The following SHANK2 variants were observed in gnomAD, a reference collection of about 807,000 sequenced individuals.
The protein encoded by SHANK2 is SH3 and multiple ankyrin repeat domains 2.
SHANK2 carries 43 observed loss-of-function variants against 133.7 expected under a neutral mutation model. The observed-to-expected ratio is 0.32, with a 90% confidence interval of 0.25 to 0.41. SHANK2 has a LOEUF of 0.41. Among genes scored for constraint, SHANK2 ranks in the 10% least tolerant of loss-of-function variants. The pLI is 1.00. For synonymous variants in SHANK2, 1,017 were observed against 952.8 expected, an observed-to-expected ratio of 1.07 and a Z score of -1.24; for missense variants, 1,994 against 2,235.8, an observed-to-expected ratio of 0.89 and a Z score of 2.18.
chr11:70,547,874 C>A (rs1428792410), intron 17 of SHANK2, among the ~76,000 whole-genome samples: 3 of 152,258 alleles, frequency 2.0e-5, no homozygotes, highest in Non-Finnish European at 4.4e-5. Context: ...CAAGCCCCTG[C>A]AAGCCCGAGG....
chr11:70,757,854 T>G (rs546971836), intron 14 of SHANK2, among the ~76,000 whole-genome samples: 1 of 152,168 alleles, frequency 6.6e-6, no homozygotes, highest in Non-Finnish European at 1.5e-5. Flanking sequence ...CCAGGGTTGC[T>G]ACAACAAATG....
chr11:71,061,841 C>T (rs1315504922), intron 9 of SHANK2, among the ~76,000 whole-genome samples: 3 of 152,062 alleles, frequency 2.0e-5, no homozygotes, highest in Admixed American at 6.6e-5. Context: ...TTTCCAGTCC[C>T]GACCTAGCCC....
At chr11:71,062,986 G>A (rs1951005294) in intron 9 of SHANK2, among the ~76,000 whole-genome samples, 1 of 93,830 alleles carries the variant, frequency 1.1e-5, no homozygotes, top group African/African-American at 4.3e-5. Context: ...GACACAGCAA[G>A]ACCCTGTCTC....
At chr11:70,568,031 C>G (rs1233345905) in intron 17 of SHANK2, among the ~76,000 whole-genome samples, 1 of 152,232 alleles carries the variant, frequency 6.6e-6, no homozygotes, top group Non-Finnish European at 1.5e-5. Flanking sequence ...GGGCCATCAG[C>G]TGATGGCCAG....
intron 2 of SHANK2, among the ~76,000 whole-genome samples, chr11:71,152,517 C>A (rs782502334): frequency 6.6e-6 from 1 of 152,238 alleles, no homozygotes; most frequent in Non-Finnish European, 1.5e-5. Context: ...GCAGGAAGGG[C>A]GGCAAGGAGG....
chr11:70,500,533 G>T lies in SHANK2; in HGVS notation c.2308+37C>A, dbSNP rs781967057. 6.3e-7 allele frequency: 1 copy of T among 1,593,534 alleles called. No homozygotes were observed. Among genetic ancestry groups the T allele is most frequent in the South Asian group, 1.1e-5 (1 of 87,374 alleles). ...TGTTTCTGTTCCACAGGGGGGTGATGGGCAGGGGGCTGAGACAGACACTGG... is the reference window on the plus strand; with the variant it reads ...TGTTTCTGTTCCACAGGGGGGTGATTGGCAGGGGGCTGAGACAGACACTGG... On this transcript the variant is annotated intron_variant, in intron 21 of 25. Coordinates refer to ENST00000601538, the MANE Select transcript of SHANK2 (RefSeq NM_012309.5). This position sits in a 1 kb window ranked among gnomAD's most constrained non-coding sequence, Gnocchi z 4.5.
intron 11 of SHANK2, among the ~76,000 whole-genome samples, chr11:70,878,719 T>C (rs982871014): frequency 6.6e-6 from 1 of 152,148 alleles, no homozygotes; most frequent in Non-Finnish European, 1.5e-5. Context: ...GAGGTGAACT[T>C]CCTCCTGCTC....
intron 14 of SHANK2, among the ~76,000 whole-genome samples, chr11:70,728,192 G>C (rs1344078215): frequency 6.6e-6 from 1 of 152,184 alleles, no homozygotes; most frequent in African/African-American, 2.4e-5. Context: ...GCAGTGCTTG[G>C]TTAGGAACAC....
chr11:70,948,650 G>A (rs944526996), intron 10 of SHANK2, among the ~76,000 whole-genome samples: 2 of 152,230 alleles, frequency 1.3e-5, no homozygotes, highest in Admixed American at 6.5e-5. Flanking sequence ...CAACGTGGAG[G>A]AGGTGGACCA....
intron 15 of SHANK2, among the ~76,000 whole-genome samples, chr11:70,680,236 T>A (rs999373268): frequency 6.6e-6 from 1 of 152,172 alleles, no homozygotes; most frequent in Non-Finnish European, 1.5e-5. Context: ...GTCTATGCAT[T>A]GAATGCTTGC....
rs1346534115 is a variant in SHANK2, at chr11:70,470,853, CGT to C, written c.*2014_*2015del. ...TCAGGGGTGTGTGACTGGAAAAGCG[CGT>C]GTGTGTGGTGTGTGTTTTGTTTTTG... On this transcript the variant is annotated 3_prime_UTR_variant, in exon 26 of 26. Transcript: ENST00000601538. The C allele has an allele frequency of 1.9e-5, 3 of 155,496 alleles. No individual in the cohort carries two copies. Among genetic ancestry groups the C allele is most frequent in the Admixed American group, 6.5e-5 (1 of 15,336 alleles). 9.6% of individuals were successfully genotyped at this position (155,496 alleles called of 1,614,324 possible).
chr11:70,858,466 C>T (rs1343257034), intron 11 of SHANK2, among the ~76,000 whole-genome samples: 1 of 152,210 alleles, frequency 6.6e-6, no homozygotes. Context: ...GCATGACCTG[C>T]ACACCCAACA....
intron 22 of SHANK2, among the ~76,000 whole-genome samples, chr11:70,491,924 G>A (rs2058891963): frequency 6.6e-6 from 1 of 152,226 alleles, no homozygotes; most frequent in Non-Finnish European, 1.5e-5. Flanking sequence ...GGATCTCGGA[G>A]AGTGTGGGGG....
intron 17 of SHANK2, among the ~76,000 whole-genome samples, chr11:70,526,793 C>T (rs2059404194): frequency 6.6e-6 from 1 of 151,902 alleles, no homozygotes; most frequent in Non-Finnish European, 1.5e-5. Flanking sequence ...GCAAGGACCC[C>T]CTCCCTCCCT....
intron 1 of SHANK2, among the ~76,000 whole-genome samples, chr11:71,242,667 C>G (rs963105475): frequency 1.3e-5 from 2 of 152,156 alleles, no homozygotes; most frequent in African/African-American, 4.8e-5. Flanking sequence ...GCGAGGATGT[C>G]GACCCTACAA....
chr11:70,769,006 T>C (rs958701215), intron 14 of SHANK2, among the ~76,000 whole-genome samples: 20 of 152,126 alleles, frequency 1.3e-4, no homozygotes, highest in African/African-American at 4.8e-4. Context: ...CACATCCGCA[T>C]CTTGGGTCTG....
Position 71,119,022 on chromosome 11 carries a change from C to A in SHANK2, c.218G>T (p.Arg73Leu), listed in dbSNP as rs1555100977. ...IHDLQQTKCI[R>L]FNPDATVWVA... ...CCACACTGTGGCATCCGGGTTAAAT[C>A]GAATGCATTTCTGCCAGGAAGGACA... The change falls in exon 4 of 26, where the codon CGA becomes CTA. Residue 73 changes from arginine (R) to leucine (L), a missense_variant. Arg to Leu is a moderately radical substitution (Grantham distance 102). Around this residue, in one of 5 missense-constraint regions of SHANK2, gnomAD observed 653 missense variants for 563.4 expected, o/e 1.16. Coordinates refer to ENST00000601538, the MANE Select transcript of SHANK2 (RefSeq NM_012309.5). The A allele has an allele frequency of 1.3e-6, 2 of 1,551,628 alleles. No individual in the cohort carries two copies. Among genetic ancestry groups the A allele is most frequent in the Non-Finnish European group, 1.7e-6 (2 of 1,146,954 alleles).
intron 9 of SHANK2, among the ~76,000 whole-genome samples, chr11:71,063,204 C>T (rs1951009127): frequency 6.6e-6 from 1 of 152,186 alleles, no homozygotes; most frequent in African/African-American, 2.4e-5. Flanking sequence ...CACTGCCATT[C>T]CAGGGCGATA....
intron 2 of SHANK2, among the ~76,000 whole-genome samples, chr11:71,192,399 GC>G (rs1555115584): frequency 6.6e-6 from 1 of 152,130 alleles, no homozygotes; most frequent in East Asian, 1.9e-4. Context: ...GACTATGAGA[GC>G]CCATTGACCA....
Sources: allele counts gnomAD v4.1 joint callset (sites outside exome capture counted in the v4.1 genomes callset), GRCh38; gene constraint gnomAD v4.1.1; regional missense constraint gnomAD v4.1.1; non-coding constraint Gnocchi (gnomAD v3.1); transcripts MANE v1.5; gene names NCBI Gene and HGNC (gene_info 2026-07-23, HGNC 2026-07-21).